Variants in TBC1D5 observed in about 807,000 individuals in gnomAD.
TBC1D5 encodes TBC1 domain family member 5.
TBC1D5 carries 75 observed loss-of-function variants against 100.3 expected under a neutral mutation model. That is an observed-to-expected ratio of 0.75 (90% confidence interval 0.62 to 0.91). The LOEUF (loss-of-function observed/expected upper bound fraction) is 0.91. Among genes scored for constraint, TBC1D5 ranks in the 40% least tolerant of loss-of-function variants. The pLI is 0.00. For missense variants in TBC1D5, 910 were observed against 942.4 expected (o/e 0.97, Z 0.45); for synonymous variants, 323 against 325.6 (o/e 0.99, Z 0.09).
chr3:17,193,275 C>T (rs187797503), intron 18 of TBC1D5, among the ~76,000 whole-genome samples: 1 of 152,312 alleles, frequency 6.6e-6, no homozygotes, highest in Admixed American at 6.5e-5. Context: ...GGCAAGACCA[C>T]AAGGTCAAGT....
At chr3:17,405,257 A>G (rs926562791) in intron 5 of TBC1D5, among the ~76,000 whole-genome samples, 2 of 152,064 alleles carry the variant, frequency 1.3e-5, no homozygotes, top group Non-Finnish European at 2.9e-5. Context: ...TGAGGTTCAA[A>G]TATAATTCAC....
Position 17,678,666 on chromosome 3 carries a change from T to TAAAAA in TBC1D5, c.-100-54758_-100-54754dup, listed in dbSNP as rs150614567. Among the ~76,000 whole-genome samples, 756 of 108,984 alleles carry TAAAAA rather than the reference T, an allele frequency of 6.9e-3. 9 individuals carry two copies. Among genetic ancestry groups the TAAAAA allele is most frequent in the Non-Finnish European group, 0.01 (565 of 55,758 alleles). 71.5% of individuals were successfully genotyped at this position (108,984 alleles called of 152,430 possible). ...AAGAGAACTGAGGGAAAAAGAGGGA[T>TAAAAA]AAAAAAAAAAAAAAAAAAAAACAGG... On this transcript the variant is annotated intron_variant, in intron 1 of 21. Coordinates refer to ENST00000253692, the Ensembl canonical transcript of TBC1D5.
At chr3:17,505,049 T>C (rs931892897) in intron 3 of TBC1D5, among the ~76,000 whole-genome samples, 3 of 152,176 alleles carry the variant, frequency 2.0e-5, no homozygotes, top group African/African-American at 4.8e-5. Context: ...TCTGAACATC[T>C]TGGATTTTTT....
chr3:17,551,576 T>G (rs913756123), intron 2 of TBC1D5, among the ~76,000 whole-genome samples: 4 of 152,128 alleles, frequency 2.6e-5, no homozygotes, highest in African/African-American at 9.7e-5. Context: ...TCCATTCTTA[T>G]CATGCATTCA....
intron 2 of TBC1D5, among the ~76,000 whole-genome samples, chr3:17,588,300 A>C (rs939817506): frequency 2.6e-5 from 4 of 151,690 alleles, no homozygotes; most frequent in African/African-American, 9.7e-5. Flanking sequence ...TAGGAAACAC[A>C]AAAAAAATCT....
At chr3:17,274,300 T>C (rs2149747262) in intron 15 of TBC1D5, among the ~76,000 whole-genome samples, 1 of 152,348 alleles carries the variant, frequency 6.6e-6, no homozygotes, top group African/African-American at 2.4e-5. Context: ...AAATATATGC[T>C]GAAATTTTTT....
Position 17,353,251 on chromosome 3 carries a change from C to T in TBC1D5, c.995+18824G>A, listed in dbSNP as rs190215626. ...TTTACTCTTTTAGGGGTTTGTAATG[C>T]TTCATTTCCCAGCGAAAACTATTAA... On this transcript the variant is annotated intron_variant, in intron 13 of 21. Transcript: ENST00000253692. Among the ~76,000 whole-genome samples, 13 of 152,152 alleles carry T rather than the reference C, an allele frequency of 8.5e-5. No individual in the cohort carries two copies. The East Asian group carries it at 1.3e-3, about 16-fold the overall frequency.
At chr3:17,394,879 G>A (rs2152357301) in intron 8 of TBC1D5, among the ~76,000 whole-genome samples, 1 of 151,936 alleles carries the variant, frequency 6.6e-6, no homozygotes, top group African/African-American at 2.4e-5. Flanking sequence ...TGTTTTCAGT[G>A]AAGAAAAGAA....
chr3:17,198,472 T>G (rs778771161), intron 18 of TBC1D5, among the ~76,000 whole-genome samples: 19 of 152,186 alleles, frequency 1.2e-4, no homozygotes, highest in Admixed American at 5.2e-4. Context: ...CAAATAAAGT[T>G]TTTAGTATAA....
At chr3:17,645,828 T>C (rs2064967890) in intron 1 of TBC1D5, among the ~76,000 whole-genome samples, 1 of 152,004 alleles carries the variant, frequency 6.6e-6, no homozygotes, top group Non-Finnish European at 1.5e-5. Context: ...CCTTCCCCCC[T>C]ACTTTTCTAT....
intron 3 of TBC1D5, among the ~76,000 whole-genome samples, chr3:17,436,589 A>C (rs970738091): frequency 2.1e-4 from 32 of 152,192 alleles, no homozygotes; most frequent in Non-Finnish European, 3.8e-4. Flanking sequence ...AGCCCTTATA[A>C]TATCCTTCCT....
intron 3 of TBC1D5, among the ~76,000 whole-genome samples, chr3:17,436,557 G>A (rs1387988236): frequency 1.4e-4 from 21 of 152,014 alleles, no homozygotes; most frequent in Admixed American, 1.4e-3. Flanking sequence ...AATTATATGA[G>A]GATGGTGTAT....
intron 19 of TBC1D5, among the ~76,000 whole-genome samples, chr3:17,178,691 C>T (rs987161066): frequency 2.0e-5 from 3 of 152,152 alleles, no homozygotes; most frequent in African/African-American, 7.2e-5. Flanking sequence ...CTTGCTCTCT[C>T]ACCTAGACTG....
At chr3:17,438,130 T>C (rs2094570419) in intron 3 of TBC1D5, among the ~76,000 whole-genome samples, 2 of 152,208 alleles carry the variant, frequency 1.3e-5, no homozygotes, top group African/African-American at 4.8e-5. Context: ...CACCTGGATC[T>C]CAAAAGCACC....
At chr3:17,164,017 A>G (rs1222141154) in intron 21 of TBC1D5, among the ~76,000 whole-genome samples, 1 of 152,248 alleles carries the variant, frequency 6.6e-6, no homozygotes, top group Non-Finnish European at 1.5e-5. Context: ...TTAGTTCATC[A>G]AATACTTCCC....
At chr3:17,490,678 T>TC (rs2095629138) in intron 3 of TBC1D5, among the ~76,000 whole-genome samples, 1 of 152,230 alleles carries the variant, frequency 6.6e-6, no homozygotes, top group East Asian at 1.9e-4. Flanking sequence ...TCTATGTATC[T>TC]GGTTTTGTAC....
chr3:17,680,062 A>C lies in TBC1D5; in HGVS notation c.-100-56149T>G, dbSNP rs1447021477. On this transcript the variant is annotated intron_variant, in intron 1 of 21. Transcript: ENST00000253692. ...TAAGAAAAAGCCTGCTAGGGTGTGG[A>C]AACAATAGAAAAAAGTCTGAAGGAA... is the stretch of plus-strand genomic sequence containing the variant. Among the ~76,000 whole-genome samples the C allele has an allele frequency of 1.3e-5, 2 of 151,474 alleles. 1 individual carries two copies. The highest frequency in any genetic ancestry group is 4.9e-5 in the African/African-American group (2 of 40,754).
At chr3:17,605,104 ACCT>A (rs1298460236) in intron 2 of TBC1D5, among the ~76,000 whole-genome samples, 1 of 152,018 alleles carries the variant, frequency 6.6e-6, no homozygotes, top group African/African-American at 2.4e-5. Flanking sequence ...TTGGAGCAAA[ACCT>A]CCTCTTCACA....
intron 18 of TBC1D5, among the ~76,000 whole-genome samples, chr3:17,207,666 T>C (rs184301464): frequency 3.3e-5 from 5 of 152,308 alleles, no homozygotes; most frequent in Non-Finnish European, 5.9e-5. Context: ...ATAGAAAGGG[T>C]ATGTGTGATA....
Sources: allele counts gnomAD v4.1 joint callset (sites outside exome capture counted in the v4.1 genomes callset), GRCh38; gene constraint gnomAD v4.1.1; transcripts MANE v1.5; gene names NCBI Gene and HGNC (gene_info 2026-07-23, HGNC 2026-07-21).